The following HELZ variants were observed in gnomAD, a reference collection of about 807,000 sequenced individuals.
The protein encoded by HELZ is ATP-dependent RNA helicase with zinc finger domain.
A neutral mutation model predicts 218.2 loss-of-function variants in HELZ; 23 were observed. That is an observed-to-expected ratio of 0.11 (90% CI 0.08 to 0.15). The LOEUF is 0.15. Ranked by LOEUF, HELZ falls within the 10% of genes least tolerant of loss-of-function variation. HELZ has a pLI of 1.00. For synonymous variants in HELZ, 814 were observed against 829.4 expected (o/e 0.98, Z 0.32); for missense variants, 1,813 against 2,353.7 (o/e 0.77, Z 4.75).
intron 3 of HELZ, among the ~76,000 whole-genome samples, chr17:67,234,350 A>C (rs1002454738): frequency 1.3e-4 from 20 of 151,676 alleles, no homozygotes; most frequent in Admixed American, 1.1e-3. Context: ...TACAGAATTA[A>C]TTGTTCCCAC....
intron 13 of HELZ, among the ~76,000 whole-genome samples, chr17:67,178,183 A>C (rs2039511586): frequency 6.6e-6 from 1 of 152,210 alleles, no homozygotes; most frequent in East Asian, 1.9e-4. Context: ...AAAATGTAAA[A>C]TATGTTAACG....
intron 21 of HELZ, among the ~76,000 whole-genome samples, chr17:67,141,719 GA>G (rs2038331318): frequency 6.6e-6 from 1 of 151,858 alleles, no homozygotes; most frequent in African/African-American, 2.4e-5. Context: ...AAACCACTAA[GA>G]AAATAACTCA....
intron 23 of HELZ, among the ~76,000 whole-genome samples, chr17:67,135,468 G>C (rs892614738): frequency 6.6e-6 from 1 of 152,154 alleles, no homozygotes; most frequent in Non-Finnish European, 1.5e-5. Context: ...TCACTTCCAA[G>C]TCAGCTTCTC....
intron 9 of HELZ, 30 bp downstream of exon 9, chr17:67,193,937 A>T (rs781722878): frequency 6.5e-7 from 1 of 1,530,900 alleles, no homozygotes; most frequent in Admixed American, 1.7e-5. Flanking sequence ...AAGACATGTC[A>T]TTGTTTAAAA....
intron 12 of HELZ, among the ~76,000 whole-genome samples, chr17:67,187,381 C>T (rs2039784517): frequency 6.6e-6 from 1 of 152,090 alleles, no homozygotes; most frequent in Admixed American, 6.6e-5. Flanking sequence ...GTTGTTTCAA[C>T]CTTACTAGCA....
chr17:67,084,313 G>T (rs1294082469), intron 32 of HELZ, among the ~76,000 whole-genome samples: 1 of 152,178 alleles, frequency 6.6e-6, no homozygotes, highest in Non-Finnish European at 1.5e-5. Context: ...TACCTTATCA[G>T]CTTGGGTCAG....
chr17:67,137,626 G>T (rs1010164962), intron 22 of HELZ, among the ~76,000 whole-genome samples: 1 of 152,080 alleles, frequency 6.6e-6, no homozygotes, highest in Non-Finnish European at 1.5e-5. Context: ...CTCAGATACC[G>T]TATAACAGCA....
chr17:67,111,568 A>C (rs2037281107), intron 28 of HELZ, among the ~76,000 whole-genome samples: 1 of 152,226 alleles, frequency 6.6e-6, no homozygotes, highest in Non-Finnish European at 1.5e-5. Context: ...CTTGGTGACC[A>C]ACCTGTTGCA....
At chr17:67,219,691 CAAT>C (rs1440891399) in intron 3 of HELZ, among the ~76,000 whole-genome samples, 10 of 152,220 alleles carry the variant, frequency 6.6e-5, no homozygotes, top group African/African-American at 2.4e-4. Context: ...ATTCCACAGG[CAAT>C]GGAACACGAT....
chr17:67,220,531 C>T (rs1000993818), intron 3 of HELZ, among the ~76,000 whole-genome samples: 16 of 152,112 alleles, frequency 1.1e-4, no homozygotes, highest in Admixed American at 5.2e-4. Flanking sequence ...TACCTAGGCT[C>T]GAGTAGAGTG....
intron 24 of HELZ, among the ~76,000 whole-genome samples, chr17:67,124,651 C>A (rs531026586): frequency 1.3e-5 from 2 of 152,134 alleles, no homozygotes; most frequent in African/African-American, 2.4e-5. Context: ...CCAGTAAGTG[C>A]ACTTCCAGAA....
chr17:67,173,411 A>G (rs2039366644), intron 13 of HELZ, among the ~76,000 whole-genome samples: 1 of 152,230 alleles, frequency 6.6e-6, no homozygotes, highest in Non-Finnish European at 1.5e-5. Flanking sequence ...TAAAGTTTAC[A>G]TAATTCCCTA....
chr17:67,234,183 C>T (rs575496916), intron 3 of HELZ, among the ~76,000 whole-genome samples: 64 of 148,772 alleles, frequency 4.3e-4, no homozygotes, highest in Non-Finnish European at 7.7e-4. Flanking sequence ...ATTAGGTGGG[C>T]GTGGTAGCTT....
intron 12 of HELZ, among the ~76,000 whole-genome samples, chr17:67,182,315 C>G (rs1170308212): frequency 6.6e-6 from 1 of 151,942 alleles, no homozygotes; most frequent in African/African-American, 2.4e-5. Context: ...TATGATAGCT[C>G]GTGCCTGTAG....
intron 7 of HELZ, among the ~76,000 whole-genome samples, chr17:67,199,371 CCTGA>C (rs1459562964): frequency 1.3e-5 from 2 of 152,076 alleles, no homozygotes; most frequent in Non-Finnish European, 2.9e-5. Flanking sequence ...TGCCACCATG[CCTGA>C]CTAATTTTTG....
At position 67,214,862 on chromosome 17, in the gene HELZ, G is replaced by A. The variant is rs549848224; in HGVS notation, c.247+1037C>T. Among the ~76,000 whole-genome samples, 3 of 152,170 alleles carry A rather than the reference G, an allele frequency of 2.0e-5. No individual in the cohort carries two copies. In the South Asian group the frequency reaches 6.2e-4, roughly 32 times the overall value. On this transcript the variant is annotated intron_variant, in intron 5 of 32. Transcript: ENST00000358691. ...AATCTCAATTTCCAGCCTGAAACAG[G>A]AGACCAGGTGCGGTGGCTCATGCCT...
chr17:67,198,439 T>C (rs1307338933), intron 7 of HELZ, among the ~76,000 whole-genome samples: 1 of 152,206 alleles, frequency 6.6e-6, no homozygotes, highest in Non-Finnish European at 1.5e-5. Context: ...TCCTGGCTTT[T>C]AGGTTCCAAA....
chr17:67,172,057 T>C (rs145731000), intron 13 of HELZ, among the ~76,000 whole-genome samples: 1 of 152,256 alleles, frequency 6.6e-6, no homozygotes, highest in Non-Finnish European at 1.5e-5. Flanking sequence ...GGTCTCGAAC[T>C]CCTGAACTCA....
At chr17:67,179,026 T>C (rs994352776) in intron 12 of HELZ, 100 bp from the exon 13 acceptor site, 11 of 739,352 alleles carry the variant, frequency 1.5e-5, no homozygotes, top group Admixed American at 3.1e-5. Flanking sequence ...TGTATGAGAA[T>C]TGTATATGCT....
Sources: allele counts gnomAD v4.1 joint callset (sites outside exome capture counted in the v4.1 genomes callset), GRCh38; gene constraint gnomAD v4.1.1; transcripts MANE v1.5; gene names NCBI Gene and HGNC (gene_info 2026-07-23, HGNC 2026-07-21).